Variants in USP37 observed in about 807,000 individuals in gnomAD.
USP37 encodes the protein ubiquitin carboxyl-terminal hydrolase 37.
USP37 carries 27 observed loss-of-function variants against 124.0 expected under a neutral mutation model. The ratio of observed to expected loss-of-function variants is 0.22; its 90% CI spans 0.16 to 0.30. The LOEUF (loss-of-function observed/expected upper bound fraction) is 0.30, where lower values mean the gene tolerates loss of function less well. USP37 is among the 10% of genes least tolerant of loss of function. The probability of loss-of-function intolerance (pLI) is 1.00; values close to 1 mark genes in which losing one functional copy is unlikely to be tolerated. For missense variants in USP37, 889 were observed against 1,140.4 expected, an observed-to-expected ratio of 0.78 and a Z score of 3.17; for synonymous variants, 365 against 388.0, an observed-to-expected ratio of 0.94 and a Z score of 0.70.
chr2:218,539,483 G>A (rs1185496778), intron 8 of USP37, among the ~76,000 whole-genome samples: 1 of 151,974 alleles, frequency 6.6e-6, no homozygotes, highest in Non-Finnish European at 1.5e-5. Context: ...GGGAGGCTGA[G>A]GCGGGCAGAT....
Position 218,455,016 on chromosome 2 carries a change from C to G in USP37, c.2854G>C (p.Glu952Gln). 6.2e-7 allele frequency: 1 copy of G among 1,613,044 alleles called. No individual in the cohort carries two copies. The highest frequency in any genetic ancestry group is 1.7e-5 in the Admixed American group (1 of 59,644). Reference protein sequence around the residue: ...SGYIFFYMHKEIFDELLETEK... With the variant: ...SGYIFFYMHKQIFDELLETEK... The stretch of plus-strand genomic sequence containing the variant: ...GTTTCCAGCAGCTCATCAAAGATCT[C>G]CCTTAAGATAAAACAAGCAAAAAAT... The change falls in exon 26 of 26, where the codon GAG (glutamate) becomes CAG (glutamine). Residue 952 changes from glutamate to glutamine, a missense_variant and splice_region_variant. Physicochemically the swap from Glu to Gln is conservative, Grantham distance 29. Around this residue, in one of 3 missense-constraint regions of USP37, gnomAD observed 504 missense variants for 714.3 expected, o/e 0.71. Coordinates refer to ENST00000258399, the MANE Select transcript of USP37 (RefSeq NM_020935.3).
At chr2:218,487,962 T>C (rs1489176144) in intron 15 of USP37, among the ~76,000 whole-genome samples, 1 of 151,192 alleles carries the variant, frequency 6.6e-6, no homozygotes, top group Non-Finnish European at 1.5e-5. Context: ...GGTGGGCAGA[T>C]CACTTAAGGT....
intron 3 of USP37, among the ~76,000 whole-genome samples, chr2:218,559,676 C>T (rs1693212166): frequency 6.6e-6 from 1 of 152,134 alleles, no homozygotes; most frequent in African/African-American, 2.4e-5. Flanking sequence ...TCAAAAATGG[C>T]TGGGTGCTTG....
chr2:218,518,734 AT>A (rs966543124), intron 10 of USP37, among the ~76,000 whole-genome samples: 2 of 152,234 alleles, frequency 1.3e-5, no homozygotes, highest in Non-Finnish European at 2.9e-5. Context: ...ACCCAGGGTC[AT>A]AGATTTTTCA....
chr2:218,536,357 A>G (rs12105812), intron 8 of USP37, among the ~76,000 whole-genome samples: 7,444 of 152,210 alleles, frequency 0.049, 521 homozygotes, highest in African/African-American at 0.16. Flanking sequence ...TCATTTTTAT[A>G]TTCTCTCTTC....
At chr2:218,549,421 A>G (rs1160797552) in intron 6 of USP37, among the ~76,000 whole-genome samples, 1 of 151,780 alleles carries the variant, frequency 6.6e-6, no homozygotes, top group Non-Finnish European at 1.5e-5. Context: ...ATGAAATGAT[A>G]CATTTCAGGT....
At chr2:218,548,361 G>A (rs1234127040) in intron 6 of USP37, among the ~76,000 whole-genome samples, 2 of 150,660 alleles carry the variant, frequency 1.3e-5, no homozygotes, top group African/African-American at 5.0e-5. Context: ...ATATATTTAA[G>A]ACAGAGTCTT....
intron 5 of USP37, among the ~76,000 whole-genome samples, chr2:218,550,964 C>G (rs1394349347): frequency 6.6e-6 from 1 of 151,984 alleles, no homozygotes; most frequent in East Asian, 1.9e-4. Context: ...CAATCTTTTT[C>G]CTTTATTAAT....
intron 11 of USP37, chr2:218,501,040 T>A: frequency 7.0e-6 from 1 of 142,026 alleles, no homozygotes. Context: ...TCACATCCAA[T>A]CTTTTTTTTT....
intron 19 of USP37, among the ~76,000 whole-genome samples, chr2:218,475,381 C>T (rs1690913641): frequency 6.6e-6 from 1 of 151,940 alleles, no homozygotes; most frequent in Non-Finnish European, 1.5e-5. Context: ...GGTGGATCAC[C>T]TGAGGTCAGG....
intron 20 of USP37, among the ~76,000 whole-genome samples, chr2:218,467,465 C>T (rs996381196): frequency 6.6e-6 from 1 of 152,124 alleles, no homozygotes; most frequent in African/African-American, 2.4e-5. Flanking sequence ...TCTCCTGCTT[C>T]AGCCTTCCGC....
intron 20 of USP37, among the ~76,000 whole-genome samples, chr2:218,466,509 T>A (rs535065045): frequency 1.3e-5 from 2 of 152,212 alleles, no homozygotes; most frequent in East Asian, 3.9e-4. Context: ...GACACTACTA[T>A]ATGTCCTCTG....
At chr2:218,467,487 T>G (rs1690416328) in intron 20 of USP37, among the ~76,000 whole-genome samples, 1 of 152,170 alleles carries the variant, frequency 6.6e-6, no homozygotes. Flanking sequence ...TAGCTGGGAT[T>G]ACAGGTGCAC....
chr2:218,563,987 T>C (rs1030028176), intron 1 of USP37, among the ~76,000 whole-genome samples: 4 of 152,060 alleles, frequency 2.6e-5, no homozygotes, highest in African/African-American at 9.7e-5. Context: ...AGGAGAGTCA[T>C]TTGAACCTGG....
At chr2:218,495,133 A>G (rs1354882932) in intron 14 of USP37, among the ~76,000 whole-genome samples, 1 of 152,074 alleles carries the variant, frequency 6.6e-6, no homozygotes, top group Non-Finnish European at 1.5e-5. Context: ...TCACTCTGCC[A>G]CGCGTTTTTG....
At chr2:218,463,831 G>A (rs527835734) in intron 21 of USP37, among the ~76,000 whole-genome samples, 6 of 148,280 alleles carry the variant, frequency 4.0e-5, no homozygotes, top group Non-Finnish European at 6.0e-5. Flanking sequence ...CACTGCGCCC[G>A]GCCCACTCCA....
chr2:218,515,684 A>G (rs1282336476), intron 10 of USP37, among the ~76,000 whole-genome samples: 1 of 152,246 alleles, frequency 6.6e-6, no homozygotes, highest in Non-Finnish European at 1.5e-5. Context: ...AACAAAAGCC[A>G]AAACAGACAA....
chr2:218,515,772 G>A (rs892994841), intron 10 of USP37, among the ~76,000 whole-genome samples: 2 of 152,102 alleles, frequency 1.3e-5, no homozygotes, highest in African/African-American at 2.4e-5. Flanking sequence ...CTTACAGAAC[G>A]GGAGAAAATT....
intron 17 of USP37, among the ~76,000 whole-genome samples, chr2:218,481,788 G>A (rs1319239050): frequency 6.6e-6 from 1 of 151,240 alleles, no homozygotes; most frequent in African/African-American, 2.4e-5. Context: ...CGAGTAGCTG[G>A]CACTACAGGT....
Sources: gnomAD v4.1 joint callset for allele counts (sites outside exome capture counted in the v4.1 genomes callset) on GRCh38, gnomAD v4.1.1 for gene constraint, gnomAD v4.1.1 regional missense constraint, MANE v1.5 for transcripts, NCBI Gene and HGNC (gene_info 2026-07-23, HGNC 2026-07-21) for gene names.